Variants in TJP1 observed in about 807,000 individuals in gnomAD.
TJP1 encodes the protein tight junction protein 1.
TJP1 carries 43 observed loss-of-function variants against 194.2 expected under a neutral mutation model. That is an observed-to-expected ratio of 0.22 (90% CI 0.17 to 0.29). The LOEUF is 0.29. Among genes scored for constraint, TJP1 ranks in the 10% least tolerant of loss-of-function variants. The probability of loss-of-function intolerance (pLI) is 1.00; values close to 1 mark genes in which losing one functional copy is unlikely to be tolerated. For missense variants in TJP1, 1,971 were observed against 2,185.7 expected (o/e 0.90, Z 1.96); for synonymous variants, 801 against 779.0 (o/e 1.03, Z -0.47).
At chr15:29,846,471 GA>G (rs1277426398) in intron 2 of TJP1, among the ~76,000 whole-genome samples, 1 of 152,072 alleles carries the variant, frequency 6.6e-6, no homozygotes, top group African/African-American at 2.4e-5. Flanking sequence ...TTACACACAA[GA>G]GAAGGGAGAC....
In TJP1 at chr15:29,800,649, G is replaced by C; in HGVS notation, c.81C>G (p.His27Gln). The change falls in exon 2 of 28, where the codon CAC becomes CAG. Residue 27 changes from histidine (H) to glutamine (Q), a missense_variant. Around this residue, in one of 5 missense-constraint regions of TJP1, gnomAD observed 245 missense variants for 336.6 expected, o/e 0.73. Coordinates refer to ENST00000614355, the MANE Select transcript of TJP1 (RefSeq NM_001330239.4). Reference sequence around the variant, plus strand: ...ACTTACTGCAACACAAACTTACCCTGTGAAGCGTCACTGTATGTTGTTCCC... The same window carrying C: ...ACTTACTGCAACACAAACTTACCCTCTGAAGCGTCACTGTATGTTGTTCCC... ...AIWEQHTVTL[H>Q]RAPGFGFGIA... 6.2e-7 allele frequency: 1 copy of C among 1,613,858 alleles called. No individual in the cohort carries two copies. Among genetic ancestry groups the C allele is most frequent in the Non-Finnish European group, 8.5e-7 (1 of 1,179,914 alleles).
At position 29,720,398 on chromosome 15, in the gene TJP1, T is replaced by C. The variant is rs760965111; in HGVS notation, c.2723A>G (p.His908Arg). ...YSPQAQPQPI[H>R]RIDSPGFKPA... ...CTTAAATCCAGGGGAGTCTATTCTA[T>C]GAATTGGTTGTGGCTGCGCTTGTGG... Residue 908 changes from histidine to arginine, a missense_variant, in exon 19 of 28, where the codon CAT becomes CGT. His to Arg is a conservative substitution (Grantham distance 29, BLOSUM62 0). Around this residue, in one of 5 missense-constraint regions of TJP1, gnomAD observed 1,108 missense variants for 1,128.5 expected, o/e 0.98. Transcript: ENST00000614355. 1.6e-5 allele frequency: 26 copies of C among 1,609,808 alleles called. No homozygotes were observed. The Admixed American group carries it at 4.0e-4, about 25-fold the overall frequency.
intron 2 of TJP1, among the ~76,000 whole-genome samples, chr15:29,949,355 TCCA>T (rs1295643642): frequency 1.4e-5 from 1 of 70,918 alleles, no homozygotes. Flanking sequence ...CACCACCACC[TCCA>T]CCACAACCAT....
intron 2 of TJP1, among the ~76,000 whole-genome samples, chr15:29,830,608 GA>G (rs1234025027): frequency 6.6e-6 from 1 of 151,412 alleles, no homozygotes; most frequent in Non-Finnish European, 1.5e-5. Flanking sequence ...CTGTTTAAGA[GA>G]AAAGAGAAAC....
intron 1 of TJP1, among the ~76,000 whole-genome samples, chr15:29,811,889 T>C (rs187266824): frequency 1.3e-5 from 2 of 152,082 alleles, no homozygotes. Flanking sequence ...AATGAATGAA[T>C]GTCTTAAATA....
chr15:29,738,110 T>G (rs1460608305), intron 10 of TJP1, among the ~76,000 whole-genome samples: 1 of 152,182 alleles, frequency 6.6e-6, no homozygotes, highest in Non-Finnish European at 1.5e-5. Flanking sequence ...ATCAGTGTAG[T>G]GTTGAAACCT....
chr15:29,728,627 C>A (rs938801420), intron 15 of TJP1: 2 of 152,212 alleles, frequency 1.3e-5, no homozygotes, highest in African/African-American at 4.8e-5. Context: ...GTATACTGTG[C>A]CAAATGCAGC....
At chr15:29,734,491 T>TG in intron 11 of TJP1, 109 bp from the exon 12 acceptor site, 1 of 806,018 alleles carries the variant, frequency 1.2e-6, no homozygotes, top group South Asian at 1.9e-5. Context: ...ATCACATCTT[T>TG]TTTTTTTTTT....
chr15:29,805,254 C>G (rs1300790297), intron 1 of TJP1, among the ~76,000 whole-genome samples: 2 of 152,224 alleles, frequency 1.3e-5, no homozygotes, highest in Non-Finnish European at 2.9e-5. Context: ...GGCAAAGACA[C>G]TACTCAGATC....
At chr15:29,772,191 A>G (rs755378094) in intron 3 of TJP1, 25 bp from the exon 4 acceptor site, 21 of 1,413,178 alleles carry the variant, frequency 1.5e-5, no homozygotes, top group Admixed American at 1.4e-4. Flanking sequence ...GCACAAAATA[A>G]TATGTTAGAG....
upstream of TJP1, chr15:29,822,568 C>CGGGGGA: frequency 3.3e-6 from 1 of 304,720 alleles, no homozygotes; most frequent in Non-Finnish European, 4.7e-6. Flanking sequence ...GGGGCCGCGG[C>CGGGGGA]GGGGGAGGGG....
chr15:29,934,360 G>A (rs375494941), intron 2 of TJP1, among the ~76,000 whole-genome samples: 15 of 152,088 alleles, frequency 9.9e-5, no homozygotes, highest in Admixed American at 9.2e-4. Context: ...AACAATTCAC[G>A]GTGAAATACC....
chr15:29,806,037 G>A (rs1029379750), intron 1 of TJP1, among the ~76,000 whole-genome samples: 1 of 152,104 alleles, frequency 6.6e-6, no homozygotes. Flanking sequence ...ATAATGCCAA[G>A]GACTTTAAAC....
chr15:29,864,584 G>A (rs1007719180), intron 2 of TJP1, among the ~76,000 whole-genome samples: 6 of 152,056 alleles, frequency 3.9e-5, no homozygotes, highest in Admixed American at 6.6e-5. Context: ...CATCTGGGCC[G>A]GGTTCAACTG....
At chr15:29,707,964 G>A (rs2042000785) in intron 25 of TJP1, among the ~76,000 whole-genome samples, 1 of 152,116 alleles carries the variant, frequency 6.6e-6, no homozygotes, top group South Asian at 2.1e-4. Flanking sequence ...TTGGGAGGTG[G>A]AGGCGGATGG....
In TJP1 at chr15:29,761,758, A is replaced by G; in HGVS notation, c.705T>C (p.Thr235=). The G allele has an allele frequency of 2.6e-6, 4 of 1,551,534 alleles. No individual in the cohort carries two copies. Among genetic ancestry groups the G allele is most frequent in the Non-Finnish European group, 3.5e-6 (4 of 1,137,928 alleles). ...CTGTCAATGACATATTTTCTGTCAC[A>G]GTACCATTTATCTGCAACAGAAAAT... ...EGDVVLKING[T]VTENMSLTDA... is the part of the protein sequence containing the mutation. Residue 235 remains threonine (T), a synonymous_variant, in exon 7 of 28, where the codon ACT becomes ACC. Coordinates refer to ENST00000614355, the MANE Select transcript of TJP1 (RefSeq NM_001330239.4).
At chr15:29,949,511 T>TCTACCTCCACAACCA (rs2055494467) in intron 2 of TJP1, among the ~76,000 whole-genome samples, 1 of 18,134 alleles carries the variant, frequency 5.5e-5, no homozygotes, top group Admixed American at 6.7e-4. Context: ...AACCACCACC[T>TCTACCTCCACAACCA]CCACCTCCAC....
intron 2 of TJP1, among the ~76,000 whole-genome samples, chr15:29,859,757 C>A (rs2052002138): frequency 6.6e-6 from 1 of 152,216 alleles, no homozygotes; most frequent in Non-Finnish European, 1.5e-5. Context: ...GCAGCTTCTT[C>A]CGAGAATTGT....
intron 6 of TJP1, 70 bp downstream of exon 6, chr15:29,762,265 A>G: frequency 7.6e-7 from 1 of 1,309,114 alleles, no homozygotes; most frequent in Non-Finnish European, 1.1e-6. Context: ...AAACAAGAGC[A>G]CAGACTACAT....
Sources: allele counts gnomAD v4.1 joint callset (sites outside exome capture counted in the v4.1 genomes callset), GRCh38; gene constraint gnomAD v4.1.1; regional missense constraint gnomAD v4.1.1; transcripts MANE v1.5; gene names NCBI Gene and HGNC (gene_info 2026-07-23, HGNC 2026-07-21).